RAD1: variants seen among roughly 807,000 people sequenced by gnomAD.
RAD1 encodes cell cycle checkpoint protein RAD1.
RAD1 carries 21 observed loss-of-function variants against 30.0 expected under a neutral mutation model. The observed-to-expected ratio is 0.70, with a 90% CI of 0.50 to 1.01. The LOEUF is 1.01. RAD1 is among the 50% of genes least tolerant of loss of function. The pLI is 0.00. For missense variants in RAD1, 329 were observed against 329.0 expected (o/e 1.00, Z 0.00); for synonymous variants, 109 against 113.6 (o/e 0.96, Z 0.26).
Position 34,906,919 on chromosome 5 carries a change from T to C in RAD1, c.*1846A>G, listed in dbSNP as rs948123875. 1 of 152,232 alleles carries C rather than the reference T, an allele frequency of 6.6e-6. No individual in the cohort carries two copies. The highest frequency in any genetic ancestry group is 2.4e-5 in the African/African-American group (1 of 41,472). 9.4% of individuals were successfully genotyped at this position (152,232 alleles called of 1,614,324 possible). A position where few individuals can be genotyped will look rare whatever the true frequency, so the allele number is the denominator to read the frequency against. ...TTAGGTTTGTTCTGTTCTTGGTGGT[T>C]ATCTAAACAAAAAATACTCTGACAA... On this transcript the variant is annotated 3_prime_UTR_variant, in exon 6 of 6. Transcript: ENST00000382038.
At position 34,913,534 on chromosome 5, in the gene RAD1, A is replaced by G; in HGVS notation, c.243T>C (p.Thr81=). ...AAAGGACAGTTAAATTAATTCGAAA[A>G]GTAACAGACTCTTCCTGAACTTTAA... ...QEFKVQEESV[T]FRINLTVLLD... The change falls in exon 3 of 6, where the codon ACT becomes ACC. Residue 81 remains threonine, a synonymous_variant. Transcript: ENST00000382038. The G allele has an allele frequency of 6.2e-7, 1 of 1,605,312 alleles. No individual in the cohort carries two copies. The highest frequency in any genetic ancestry group is 1.1e-5 in the South Asian group (1 of 90,128).
rs759321936 is a variant in RAD1 at position 34,914,900 on chromosome 5, T to A, written c.-8A>T. The stretch of plus-strand genomic sequence containing the variant: ...TTGGGTCAGAAGGGGCATCGTCCAC[T>A]GCGCATTCGGCCCCGAGGGATGCTC... On this transcript the variant is annotated 5_prime_UTR_variant, in exon 2 of 6. Transcript: ENST00000382038. 1.3e-5 allele frequency: 21 copies of A among 1,613,778 alleles called. No individual in the cohort carries two copies. The South Asian group carries it at 2.2e-4, about 17-fold the overall frequency.
intron 2 of RAD1, chr5:34,914,054 T>C (rs746169214): frequency 2.2e-6 from 1 of 455,714 alleles, no homozygotes; most frequent in South Asian, 1.5e-5. Context: ...CCGTGTCTTA[T>C]TTACCTCTCT....
chr5:34,911,874 G>T (rs1029330045), intron 3 of RAD1, 62 bp from the exon 4 acceptor site: 32 of 1,535,554 alleles, frequency 2.1e-5, no homozygotes, highest in Non-Finnish European at 2.7e-5. Flanking sequence ...GCTTCTCCTC[G>T]AAATGATACA....
chr5:34,909,068 A>G, intron 5 of RAD1, 120 bp from the exon 6 acceptor site: 1 of 1,076,636 alleles, frequency 9.3e-7, no homozygotes, highest in East Asian at 2.4e-5. Flanking sequence ...CCAATTTGCT[A>G]ATATTTTCTG....
chr5:34,910,100 C>G (rs1763784350), intron 4 of RAD1, among the ~76,000 whole-genome samples: 1 of 152,116 alleles, frequency 6.6e-6, no homozygotes, highest in African/African-American at 2.4e-5. Flanking sequence ...AATGGATCTC[C>G]TGAGCACCAT....
intron 4 of RAD1, among the ~76,000 whole-genome samples, chr5:34,910,947 C>G (rs1179283225): frequency 6.6e-6 from 1 of 152,192 alleles, no homozygotes; most frequent in Non-Finnish European, 1.5e-5. Flanking sequence ...CTGAAAACTG[C>G]CCTCCCTTGG....
At chr5:34,911,898 G>T in intron 3 of RAD1, 86 bp from the exon 4 acceptor site, 1 of 1,464,062 alleles carries the variant, frequency 6.8e-7, no homozygotes, top group Admixed American at 2.1e-5. Context: ...AATTTCTCAA[G>T]AATAATTTAT....
chr5:34,910,854 A>G (rs1207134585), intron 4 of RAD1, among the ~76,000 whole-genome samples: 4 of 152,204 alleles, frequency 2.6e-5, no homozygotes, highest in Non-Finnish European at 5.9e-5. Flanking sequence ...CCTCTCTCTA[A>G]ATTGCTAGAA....
rs1764035134 is a variant in RAD1, at chr5:34,915,478, G to A, written c.-132C>T. On this transcript the variant is annotated 5_prime_UTR_variant, in exon 1 of 6. Coordinates refer to ENST00000382038, the MANE Select transcript of RAD1 (RefSeq NM_002853.4). ...AGCAAAGTCCCTGAAGAGGAGCGAG[G>A]CGGCTCCGAGGAACCGCGGAGGAAG... The A allele has an allele frequency of 4.9e-6, 2 of 409,636 alleles. No individual in the cohort carries two copies. Among genetic ancestry groups the A allele is most frequent in the Middle Eastern group, 6.6e-4 (1 of 1,506 alleles). 25.4% of individuals were successfully genotyped at this position (409,636 alleles called of 1,614,324 possible). A position where few individuals can be genotyped will look rare whatever the true frequency, so the allele number is the denominator to read the frequency against.
At chr5:34,915,037 A>C (rs757731905) in intron 1 of RAD1, 76 bp from the exon 2 acceptor site, 99 of 805,790 alleles carry the variant, frequency 1.2e-4, no homozygotes, top group Non-Finnish European at 1.8e-4. Flanking sequence ...GAGAGGTGGA[A>C]AGGGGCTGGG....
intron 2 of RAD1, 79 bp downstream of exon 2, chr5:34,914,616 G>A: frequency 7.4e-7 from 1 of 1,351,272 alleles, no homozygotes; most frequent in Non-Finnish European, 1.1e-6. Flanking sequence ...AAGTTATTTT[G>A]TCTACTGAAA....
At chr5:34,913,125 T>G (rs532833364) in intron 3 of RAD1, among the ~76,000 whole-genome samples, 153 of 152,332 alleles carry the variant, frequency 1.0e-3, no homozygotes, top group African/African-American at 3.6e-3. Flanking sequence ...TGCCACTAAC[T>G]AGCGGAGTAA....
At position 34,908,710 on chromosome 5, in the gene RAD1, A is replaced by G; in HGVS notation, c.*55T>C. 2.8e-6 allele frequency: 4 copies of G among 1,446,358 alleles called. No individual in the cohort carries two copies. In the African/African-American group the frequency reaches 4.3e-5, roughly 15 times the overall value. 89.6% of individuals were successfully genotyped at this position (1,446,358 alleles called of 1,614,324 possible). A position where few individuals can be genotyped will look rare whatever the true frequency, so the allele number is the denominator to read the frequency against. On this transcript the variant is annotated 3_prime_UTR_variant, in exon 6 of 6. Coordinates refer to ENST00000382038, the MANE Select transcript of RAD1 (RefSeq NM_002853.4). ...AAATGACAAAGAGTACTGTACTCAGAATAAGAACTTCATCTATCATAAATG... is the reference window on the plus strand; with the variant it reads ...AAATGACAAAGAGTACTGTACTCAGGATAAGAACTTCATCTATCATAAATG...
In RAD1 at chr5:34,908,726, A is replaced by G. The variant is rs1763732658; in HGVS notation, c.*39T>C. ...TGTACTCAGAATAAGAACTTCATCT[A>G]TCATAAATGTACACATAAATATCAG... On this transcript the variant is annotated 3_prime_UTR_variant, in exon 6 of 6. Coordinates refer to ENST00000382038, the MANE Select transcript of RAD1 (RefSeq NM_002853.4). The G allele has an allele frequency of 1.3e-6, 2 of 1,503,658 alleles. No individual in the cohort carries two copies. Among genetic ancestry groups the G allele is most frequent in the East Asian group, 2.3e-5 (1 of 44,060 alleles). 93.1% of individuals were successfully genotyped at this position (1,503,658 alleles called of 1,614,324 possible). A position where few individuals can be genotyped will look rare whatever the true frequency, so the allele number is the denominator to read the frequency against.
chr5:34,913,745 C>T (rs1484642931), intron 2 of RAD1, 167 bp from the exon 3 acceptor site: 2 of 584,772 alleles, frequency 3.4e-6, no homozygotes, highest in Non-Finnish European at 6.1e-6. Flanking sequence ...TTTGAAGCAT[C>T]CTTATCTCCA....
rs1202127052 is a variant in RAD1 at position 34,914,812 on chromosome 5, G to A, written c.81C>T (p.Leu27=). The change falls in exon 2 of 6, where the codon CTC becomes CTT. Residue 27 remains leucine, a synonymous_variant. Transcript: ENST00000382038. ...LVASLDNVRN[L]STILKAIHFR... ...AATGAATAGCTTTCAAGATAGTGGA[G>A]AGATTCCTAACGTTGTCAAGGCTGG... is the stretch of plus-strand genomic sequence containing the variant. The A allele has an allele frequency of 1.2e-6, 2 of 1,614,098 alleles. No homozygotes were observed. The highest frequency in any genetic ancestry group is 1.7e-5 in the Admixed American group (1 of 60,004).
intron 1 of RAD1, 178 bp downstream of exon 1, chr5:34,915,238 G>A (rs575435109): frequency 2.9e-4 from 93 of 318,616 alleles, no homozygotes; most frequent in African/African-American, 1.9e-3. Flanking sequence ...AAATCCGCGG[G>A]GAGTCGGTTT....
At position 34,913,463 on chromosome 5, in the gene RAD1, A is replaced by G; in HGVS notation, c.307+7T>C. On this transcript the variant is annotated splice_region_variant and intron_variant, in intron 3 of 5. Transcript: ENST00000382038. The stretch of plus-strand genomic sequence containing the variant: ...ACTTTTATGTCTTTATACTGATCAT[A>G]GTTTACCTGGCATAGGACTTGATCC... 6.7e-7 allele frequency: 1 copy of G among 1,496,290 alleles called. No homozygotes were observed. Among genetic ancestry groups the G allele is most frequent in the Non-Finnish European group, 9.2e-7 (1 of 1,091,802 alleles). 92.7% of individuals were successfully genotyped at this position (1,496,290 alleles called of 1,614,324 possible). A position where few individuals can be genotyped will look rare whatever the true frequency, so the allele number is the denominator to read the frequency against.
Sources: gnomAD v4.1 joint callset for allele counts (sites outside exome capture counted in the v4.1 genomes callset) on GRCh38, gnomAD v4.1.1 for gene constraint, MANE v1.5 for transcripts, NCBI Gene and HGNC (gene_info 2026-07-23, HGNC 2026-07-21) for gene names.